SHROOM3: variants seen among roughly 807,000 people sequenced by gnomAD.
SHROOM3 encodes the protein shroom family member 3.
In SHROOM3, 47 loss-of-function variants were observed where a neutral mutation model predicts 138.6. The ratio of observed to expected loss-of-function variants is 0.34; its 90% CI spans 0.27 to 0.43. SHROOM3 has a LOEUF of 0.43. Among genes scored for constraint, SHROOM3 ranks in the 20% least tolerant of loss-of-function variants. The probability of loss-of-function intolerance (pLI) is 1.00; values close to 1 mark genes in which losing one functional copy is unlikely to be tolerated. For synonymous variants in SHROOM3, 1,062 were observed against 1,063.3 expected, an observed-to-expected ratio of 1.00 and a Z score of 0.02; for missense variants, 2,491 against 2,596.5, an observed-to-expected ratio of 0.96 and a Z score of 0.88.
intron 10 of SHROOM3, among the ~76,000 whole-genome samples, chr4:76,772,803 G>C (rs6848493): frequency 0.066 from 10,037 of 152,216 alleles, 373 homozygotes; most frequent in Non-Finnish European, 0.083. Context: ...AAGCAGTATG[G>C]AGGAGCAATT....
At chr4:76,558,596 C>T (rs1733536264) in intron 2 of SHROOM3, among the ~76,000 whole-genome samples, 1 of 152,100 alleles carries the variant, frequency 6.6e-6, no homozygotes, top group Non-Finnish European at 1.5e-5. Flanking sequence ...CTGTCTCAGA[C>T]CTTGTGGAAT....
chr4:76,704,873 A>G (rs891942958), intron 2 of SHROOM3, among the ~76,000 whole-genome samples: 1 of 152,210 alleles, frequency 6.6e-6, no homozygotes, highest in African/African-American at 2.4e-5. Context: ...GGCTGATTCT[A>G]ACAGACAAAA....
Position 76,759,608 on chromosome 4 carries a change from T to A in SHROOM3, c.5262T>A (p.Ala1754=). The change falls in exon 9 of 11, where the codon GCT becomes GCA. Residue 1754 remains alanine (A), a synonymous_variant. Transcript: ENST00000296043. ...GCCCTGCCTACTACAGTGTGTCTGCTCCCAAGGCTGAGCTACTGAACAAAA... is the reference window on the plus strand; with the variant it reads ...GCCCTGCCTACTACAGTGTGTCTGCACCCAAGGCTGAGCTACTGAACAAAA... ...VNCPAYYSVS[A]PKAELLNKIK... 6.2e-7 allele frequency: 1 copy of A among 1,614,094 alleles called. No homozygotes were observed. Among genetic ancestry groups the A allele is most frequent in the East Asian group, 2.2e-5 (1 of 44,882 alleles).
intron 3 of SHROOM3, among the ~76,000 whole-genome samples, chr4:76,721,121 C>G (rs1024042713): frequency 2.0e-5 from 3 of 151,618 alleles, no homozygotes; most frequent in African/African-American, 4.8e-5. Flanking sequence ...ACCATCCCGG[C>G]TAAAACGGTG....
chr4:76,623,820 G>C (rs548163453), intron 2 of SHROOM3, among the ~76,000 whole-genome samples: 2 of 152,140 alleles, frequency 1.3e-5, no homozygotes, highest in African/African-American at 4.8e-5. Context: ...GAATGAACAC[G>C]CCTGGGATTT....
chr4:76,740,405 G>A lies in SHROOM3; in HGVS notation c.2232G>A (p.Glu744=), dbSNP rs200757388. ...ACAGCACAGACCCAAGTCCCGAAGA[G>A]CCGCCTGCCCCCTCGCACCCGCACA... is the stretch of plus-strand genomic sequence containing the variant. ...SFNSTDPSPE[E]PPAPSHPHTS... is the part of the protein sequence containing the mutation. The change falls in exon 5 of 11, where the codon GAG becomes GAA. Residue 744 remains glutamate, a synonymous_variant. Transcript: ENST00000296043. This position sits in a 1 kb window ranked among gnomAD's most constrained non-coding sequence, Gnocchi z 4.0. 1.2e-5 allele frequency: 20 copies of A among 1,613,088 alleles called. No individual in the cohort carries two copies. The African/African-American group carries it at 2.1e-4, about 17-fold the overall frequency.
At chr4:76,646,023 G>A (rs1735805544) in intron 2 of SHROOM3, among the ~76,000 whole-genome samples, 1 of 151,756 alleles carries the variant, frequency 6.6e-6, no homozygotes. Flanking sequence ...ACACAGTCAA[G>A]GAAAGTGAAC....
At chr4:76,718,467 T>G (rs191207355) in intron 3 of SHROOM3, among the ~76,000 whole-genome samples, 2 of 152,344 alleles carry the variant, frequency 1.3e-5, no homozygotes, top group East Asian at 3.9e-4. Flanking sequence ...TTTGGAAACT[T>G]TATTTTAATG....
intron 2 of SHROOM3, chr4:76,573,456 C>A (rs1203772485): frequency 6.5e-6 from 1 of 152,734 alleles, no homozygotes; most frequent in African/African-American, 2.4e-5. Flanking sequence ...GTTAAAAGCT[C>A]ACCTGGTCCA....
intron 2 of SHROOM3, among the ~76,000 whole-genome samples, chr4:76,607,450 GA>G (rs1356388992): frequency 6.6e-6 from 1 of 152,190 alleles, no homozygotes; most frequent in Non-Finnish European, 1.5e-5. Context: ...GATAGCAAAG[GA>G]AAGTCTTGAA....
intron 1 of SHROOM3, among the ~76,000 whole-genome samples, chr4:76,492,262 G>C (rs369951337): frequency 6.6e-6 from 1 of 152,180 alleles, no homozygotes; most frequent in Non-Finnish European, 1.5e-5. Flanking sequence ...TGCCAGGAAG[G>C]CATGTTTAGC....
At chr4:76,715,706 C>G (rs950975738) in intron 3 of SHROOM3, among the ~76,000 whole-genome samples, 3 of 152,188 alleles carry the variant, frequency 2.0e-5, no homozygotes, top group African/African-American at 7.2e-5. Flanking sequence ...ATAATAGAAG[C>G]TCAGAATCTG....
intron 3 of SHROOM3, among the ~76,000 whole-genome samples, chr4:76,726,437 T>C (rs344130): frequency 0.54 from 80,844 of 151,022 alleles, 22,335 homozygotes; most frequent in Middle Eastern, 0.63. Flanking sequence ...CCTCTAGTCC[T>C]TCTCCACTGA....
At chr4:76,474,976 G>A (rs191434738) in intron 1 of SHROOM3, among the ~76,000 whole-genome samples, 20 of 152,056 alleles carry the variant, frequency 1.3e-4, no homozygotes, top group African/African-American at 2.4e-4. Context: ...TGATTAGAGC[G>A]TGGTTCAAGA....
intron 1 of SHROOM3, among the ~76,000 whole-genome samples, chr4:76,551,547 T>C (rs933358610): frequency 1.3e-5 from 2 of 152,192 alleles, no homozygotes; most frequent in Admixed American, 6.5e-5. Flanking sequence ...TTCATAAATA[T>C]TTATTGAATG....
intron 1 of SHROOM3, among the ~76,000 whole-genome samples, chr4:76,464,041 G>A (rs1378962520): frequency 6.6e-6 from 1 of 152,234 alleles, no homozygotes; most frequent in Admixed American, 6.5e-5. Flanking sequence ...GCAGAGCTGT[G>A]AGAAGAAAGT....
In SHROOM3 at chr4:76,741,810, G is replaced by T; in HGVS notation, c.3637G>T (p.Gly1213Trp). Reference sequence around the variant, plus strand: ...GACCCCCAGGGAGCCATCCTCCTGGGGGGCCAGGGCCGGGAAGTCCATGTC... The same window carrying T: ...GACCCCCAGGGAGCCATCCTCCTGGTGGGCCAGGGCCGGGAAGTCCATGTC... ...DETPREPSSW[G>W]ARAGKSMSAE... The change falls in exon 5 of 11, where the codon GGG becomes TGG. Residue 1213 changes from glycine (G) to tryptophan (W), a missense_variant. Transcript: ENST00000296043. The surrounding 1 kb of genome is among the most constrained non-coding windows in gnomAD (Gnocchi z 6.2). 6.3e-7 allele frequency: 1 copy of T among 1,588,032 alleles called. No homozygotes were observed. Among genetic ancestry groups the T allele is most frequent in the East Asian group, 2.3e-5 (1 of 43,818 alleles).
At chr4:76,511,841 G>C (rs1732345504) in intron 1 of SHROOM3, among the ~76,000 whole-genome samples, 1 of 152,180 alleles carries the variant, frequency 6.6e-6, no homozygotes. Context: ...GCTGGAAAAG[G>C]ATGGTGAGAA....
At position 76,741,125 on chromosome 4, in the gene SHROOM3, G is replaced by A. The variant is rs942305643; in HGVS notation, c.2952G>A (p.Glu984=). Residue 984 remains glutamate (E), a synonymous_variant, in exon 5 of 11, where the codon GAG becomes GAA. Transcript: ENST00000296043. The surrounding 1 kb of genome is among the most constrained non-coding windows in gnomAD (Gnocchi z 6.2). Reference sequence around the variant, plus strand: ...CCGCCTCCCCGCACACGCCCCGGGAGCGGCACAGCGTGACCCCTGCTGAGG... The same window carrying A: ...CCGCCTCCCCGCACACGCCCCGGGAACGGCACAGCGTGACCCCTGCTGAGG... ...SASASPHTPR[E]RHSVTPAEGD... 4.5e-6 allele frequency: 7 copies of A among 1,554,184 alleles called. No individual in the cohort carries two copies. The highest frequency in any genetic ancestry group is 2.4e-5 in the East Asian group (1 of 41,154).
Sources: gnomAD v4.1 joint callset for allele counts (sites outside exome capture counted in the v4.1 genomes callset) on GRCh38, gnomAD v4.1.1 for gene constraint, Gnocchi (gnomAD v3.1) non-coding constraint, MANE v1.5 for transcripts, NCBI Gene and HGNC (gene_info 2026-07-23, HGNC 2026-07-21) for gene names.